Variants in WASHC4 observed in about 807,000 individuals in gnomAD.
WASHC4 encodes WASH complex subunit 7.
Under a neutral mutation model 166.6 loss-of-function variants are expected in WASHC4, and 86 were observed. That is an observed-to-expected ratio of 0.52 (90% confidence interval 0.43 to 0.62). The LOEUF (loss-of-function observed/expected upper bound fraction) is 0.62. WASHC4 is among the 20% of genes least tolerant of loss of function. The pLI is 0.00. For missense variants in WASHC4, 1,262 were observed against 1,382.4 expected, an observed-to-expected ratio of 0.91 and a Z score of 1.38; for synonymous variants, 446 against 451.6, an observed-to-expected ratio of 0.99 and a Z score of 0.16.
rs373198129 is a variant in WASHC4, at chr12:105,147,104, T to C, written c.2472T>C (p.Ala824=). 3 of 1,611,504 alleles carry C rather than the reference T, an allele frequency of 1.9e-6. No homozygotes were observed. The highest frequency in any genetic ancestry group is 2.5e-6 in the Non-Finnish European group (3 of 1,177,718). The change falls in exon 24 of 33, where the codon GCT becomes GCC. Residue 824 remains alanine, a synonymous_variant. Transcript: ENST00000332180. ...ATACTATTAATATTCGGCATATTGCTAATTCAATTCGAACACATGGCACGG... is the reference window on the plus strand; with the variant it reads ...ATACTATTAATATTCGGCATATTGCCAATTCAATTCGAACACATGGCACGG... The part of the protein sequence containing the change: ...HLNTINIRHI[A]NSIRTHGTGI...
At chr12:105,139,625 C>A (rs900452846) in intron 15 of WASHC4, among the ~76,000 whole-genome samples, 8 of 151,146 alleles carry the variant, frequency 5.3e-5, no homozygotes, top group African/African-American at 1.9e-4. Context: ...AATATCCTTT[C>A]AATTATTTAT....
intron 2 of WASHC4, among the ~76,000 whole-genome samples, chr12:105,112,647 G>C (rs915793785): frequency 1.1e-4 from 16 of 152,094 alleles, no homozygotes; most frequent in African/African-American, 3.9e-4. Flanking sequence ...TTGCATTTCT[G>C]ATGGCTAATA....
chr12:105,137,757 G>A (rs1882445594), intron 14 of WASHC4, 129 bp from the exon 15 acceptor site: 2 of 721,224 alleles, frequency 2.8e-6, no homozygotes, highest in Admixed American at 4.9e-5. Context: ...CAAATCTTAA[G>A]AGCTGGCTTT....
chr12:105,135,742 G>A (rs1000865374), intron 14 of WASHC4, among the ~76,000 whole-genome samples: 7 of 151,802 alleles, frequency 4.6e-5, no homozygotes, highest in African/African-American at 7.2e-5. Context: ...CTTTTTAGCT[G>A]GCTTTTTTAT....
intron 2 of WASHC4, among the ~76,000 whole-genome samples, chr12:105,113,435 A>G (rs532186365): frequency 6.6e-6 from 1 of 152,050 alleles, no homozygotes; most frequent in East Asian, 1.9e-4. Context: ...TTACAATCTT[A>G]TTATATGACA....
At chr12:105,159,963 C>A in intron 28 of WASHC4, 38 bp from the exon 29 acceptor site, 1 of 1,603,138 alleles carries the variant, frequency 6.2e-7, no homozygotes, top group Non-Finnish European at 8.5e-7. Context: ...AGCCACGCTT[C>A]TTTTGAGAAA....
intron 19 of WASHC4, 62 bp from the exon 20 acceptor site, chr12:105,143,065 G>A (rs1270398084): frequency 9.2e-6 from 9 of 980,160 alleles, no homozygotes; most frequent in African/African-American, 3.2e-5. Flanking sequence ...AACTTTTGCA[G>A]TATTGTTTAG....
intron 24 of WASHC4, chr12:105,148,634 CAAGG>C (rs1197100872): frequency 2.0e-6 from 2 of 984,976 alleles, no homozygotes; most frequent in Non-Finnish European, 2.4e-6. Flanking sequence ...ACAGAAAAAA[CAAGG>C]AGAGAGTACA....
At chr12:105,140,425 G>C (rs200468490) in intron 16 of WASHC4, 24 bp downstream of exon 16, 1 of 1,464,216 alleles carries the variant, frequency 6.8e-7, no homozygotes, top group East Asian at 2.3e-5. Flanking sequence ...TATGTATTTA[G>C]CATAAGTATG....
chr12:105,129,361 G>A (rs891737769), intron 13 of WASHC4, among the ~76,000 whole-genome samples: 4 of 152,178 alleles, frequency 2.6e-5, no homozygotes, highest in African/African-American at 9.7e-5. Context: ...TGGGATTATA[G>A]GCGTGAGCCA....
chr12:105,123,189 TTGTAA>T (rs1161708548), intron 10 of WASHC4, among the ~76,000 whole-genome samples: 1 of 152,064 alleles, frequency 6.6e-6, no homozygotes, highest in Non-Finnish European at 1.5e-5. Flanking sequence ...GGGCAAGCGC[TTGTAA>T]TCCCAGCTAC....
In WASHC4 at chr12:105,166,982, CTT is replaced by C. The variant is rs1183542334; in HGVS notation, c.*54_*55del. On this transcript the variant is annotated 3_prime_UTR_variant, in exon 33 of 33. Coordinates refer to ENST00000332180, the MANE Select transcript of WASHC4 (RefSeq NM_015275.3). ...GATGAAATCATCAGAATTGTTAAAA[CTT>C]TTGCCAGTGGAATGGATAAACTATT... The C allele has an allele frequency of 3.8e-6, 5 of 1,299,320 alleles. No homozygotes were observed. The highest frequency in any genetic ancestry group is 1.5e-5 in the African/African-American group (1 of 68,876). 80.5% of individuals were successfully genotyped at this position (1,299,320 alleles called of 1,614,324 possible).
intron 7 of WASHC4, among the ~76,000 whole-genome samples, chr12:105,119,651 C>G (rs929314430): frequency 6.6e-6 from 1 of 152,176 alleles, no homozygotes; most frequent in Non-Finnish European, 1.5e-5. Context: ...GCTGCAGTAC[C>G]TGATGGGTAG....
rs763904437 is a variant in WASHC4 at position 105,115,731 on chromosome 12, A to G, written c.435+3A>G. On this transcript the variant is annotated splice_donor_region_variant and intron_variant, in intron 6 of 32. Transcript: ENST00000332180. ...GGAGATTTATTTCATTCTTACAGGT[A>G]ACTGATTTTTACTTTCTACTGAGCT... is the stretch of plus-strand genomic sequence containing the variant. 3.8e-6 allele frequency: 6 copies of G among 1,585,422 alleles called. No homozygotes were observed. In the South Asian group the frequency reaches 5.5e-5, roughly 15 times the overall value.
chr12:105,120,533 CT>C (rs763992967), intron 7 of WASHC4, 21 bp from the exon 8 acceptor site: 5 of 1,515,062 alleles, frequency 3.3e-6, no homozygotes, highest in East Asian at 2.3e-5. Context: ...TTTTTTTTAA[CT>C]TGGTTGTTAT....
chr12:105,142,310 T>C (rs1882937008), intron 18 of WASHC4, 143 bp from the exon 19 acceptor site: 1 of 644,296 alleles, frequency 1.6e-6, no homozygotes, highest in South Asian at 1.7e-5. Context: ...TTTGTGACTT[T>C]TCTATACTAT....
At position 105,168,599 on chromosome 12, in the gene WASHC4, T is replaced by C. The variant is rs958800828; in HGVS notation, c.*1668T>C. On this transcript the variant is annotated 3_prime_UTR_variant, in exon 33 of 33. Coordinates refer to ENST00000332180, the MANE Select transcript of WASHC4 (RefSeq NM_015275.3). ...AAGAGAATCACATGTTCTGTGTTCATTATCCCTACACATGTAAATTAATTA... is the reference window on the plus strand; with the variant it reads ...AAGAGAATCACATGTTCTGTGTTCACTATCCCTACACATGTAAATTAATTA... The C allele has an allele frequency of 1.3e-5, 2 of 152,128 alleles. No individual in the cohort carries two copies. Among genetic ancestry groups the C allele is most frequent in the African/African-American group, 2.4e-5 (1 of 41,420 alleles). 9.4% of individuals were successfully genotyped at this position (152,128 alleles called of 1,614,324 possible).
chr12:105,115,278 C>T (rs201756123), intron 5 of WASHC4, 49 bp downstream of exon 5: 2 of 1,132,740 alleles, frequency 1.8e-6, no homozygotes, highest in African/African-American at 3.1e-5. Context: ...TTGAAATGAA[C>T]AAAAAGTTAA....
In WASHC4 at chr12:105,152,388, C is replaced by G. The variant is rs1409732117; in HGVS notation, c.2695C>G (p.Leu899Val). 1 of 1,606,960 alleles carries G rather than the reference C, an allele frequency of 6.2e-7. No individual in the cohort carries two copies. The highest frequency in any genetic ancestry group is 1.3e-5 in the African/African-American group (1 of 74,742). ...AEKFNRGIRK[L>V]GVTPEGQSYL... ...AAAATTCAATCGAGGCATCAGAAAA[C>G]TTGGAGTAACACCTGAGGGACAGAG... Residue 899 changes from leucine (L) to valine (V), a missense_variant, in exon 26 of 33, where the codon CTT becomes GTT. Physicochemically the swap from Leu to Val is conservative, Grantham distance 32. Coordinates refer to ENST00000332180, the MANE Select transcript of WASHC4 (RefSeq NM_015275.3).
Sources: gnomAD v4.1 joint callset for allele counts (sites outside exome capture counted in the v4.1 genomes callset) on GRCh38, gnomAD v4.1.1 for gene constraint, MANE v1.5 for transcripts, NCBI Gene and HGNC (gene_info 2026-07-23, HGNC 2026-07-21) for gene names.